A4GNT: variants seen among roughly 807,000 people sequenced by gnomAD.
A4GNT encodes alpha-1,4-N-acetylglucosaminyltransferase.
In A4GNT, 6 loss-of-function variants were observed where a neutral mutation model predicts 8.3. The observed-to-expected ratio is 0.72, with a 90% confidence interval of 0.39 to 1.42. The LOEUF (loss-of-function observed/expected upper bound fraction) is 1.42. A4GNT is among the 40% of genes most tolerant of loss of function. The pLI, the probability that A4GNT is intolerant of heterozygous loss-of-function variation, is 0.02. For missense variants in A4GNT, 377 were observed against 417.0 expected, an observed-to-expected ratio of 0.90 and a Z score of 0.84; for synonymous variants, 157 against 159.8, an observed-to-expected ratio of 0.98 and a Z score of 0.13.
In A4GNT at chr3:138,124,350, G is replaced by C. The variant is rs760801510; in HGVS notation, c.937C>G (p.Arg313Gly). 2.5e-5 allele frequency: 40 copies of C among 1,614,124 alleles called. No individual in the cohort carries two copies. Among genetic ancestry groups the C allele is most frequent in the Non-Finnish European group, 3.2e-5 (38 of 1,180,058 alleles). Residue 313 changes from arginine (R) to glycine (G), a missense_variant, in exon 3 of 3, where the codon CGC becomes GGC. Coordinates refer to ENST00000236709, the MANE Select transcript of A4GNT (RefSeq NM_016161.3). ...GSNTLVENLY[R>G]KHCPRTYRDL... ...CTGTAAGTCCTGGGACAGTGCTTGC[G>C]ATAGAGATTTTCCACCAGTGTGTTG... is the stretch of plus-strand genomic sequence containing the variant.
chr3:138,128,508 C>G (rs2042759067), intron 2 of A4GNT, among the ~76,000 whole-genome samples: 1 of 152,002 alleles, frequency 6.6e-6, no homozygotes, highest in Non-Finnish European at 1.5e-5. Context: ...TTTAAACAAC[C>G]AGATCTCACG....
At chr3:138,133,211 G>A (rs1440254805), upstream of A4GNT, among the ~76,000 whole-genome samples, 2 of 152,190 alleles carry the variant, frequency 1.3e-5, no homozygotes, top group Non-Finnish European at 2.9e-5. Flanking sequence ...GGGAGTTAAA[G>A]CTGCCCCACT....
chr3:138,130,798 T>G (rs375965953), intron 2 of A4GNT, 51 bp downstream of exon 2: 1 of 1,572,800 alleles, frequency 6.4e-7, no homozygotes, highest in Non-Finnish European at 8.6e-7. Flanking sequence ...TTACCCTCAG[T>G]TTACCCATAT....
At chr3:138,131,960 G>A (rs2042781115) in intron 1 of A4GNT, among the ~76,000 whole-genome samples, 1 of 152,120 alleles carries the variant, frequency 6.6e-6, no homozygotes, top group African/African-American at 2.4e-5. Context: ...GTTACAATCT[G>A]ATAATTGTAA....
intron 2 of A4GNT, among the ~76,000 whole-genome samples, chr3:138,129,853 C>T (rs1387568730): frequency 6.6e-6 from 1 of 152,190 alleles, no homozygotes; most frequent in Non-Finnish European, 1.5e-5. Context: ...GGCCTTTGAA[C>T]TCCTGGGCTC....
rs907678381 is a variant in A4GNT, at chr3:138,132,285, T to C, written c.-100A>G. On this transcript the variant is annotated 5_prime_UTR_variant, in exon 1 of 3. Coordinates refer to ENST00000236709, the MANE Select transcript of A4GNT (RefSeq NM_016161.3). ...CAGATCTCACGTCTTGGCAGGTCTA[T>C]CTTTCAAATTACATATAACCCTTTT... The C allele has an allele frequency of 1.3e-5, 2 of 152,222 alleles. No homozygotes were observed. Among genetic ancestry groups the C allele is most frequent in the Admixed American group, 1.3e-4 (2 of 15,288 alleles). 9.4% of individuals were successfully genotyped at this position (152,222 alleles called of 1,614,324 possible). A position where few individuals can be genotyped will look rare whatever the true frequency, so the allele number is the denominator to read the frequency against.
chr3:138,130,779 C>T (rs2042771142), intron 2 of A4GNT, 70 bp downstream of exon 2: 1 of 1,532,628 alleles, frequency 6.5e-7, no homozygotes, highest in Non-Finnish European at 8.8e-7. Context: ...CCATCTCCGA[C>T]CTGAGTCCTT....
chr3:138,128,164 T>C (rs2042756748), intron 2 of A4GNT, among the ~76,000 whole-genome samples: 1 of 152,244 alleles, frequency 6.6e-6, no homozygotes, highest in Non-Finnish European at 1.5e-5. Context: ...GTGATTCATC[T>C]GTAAGAAAAG....
chr3:138,127,118 C>CAAAAAAAAAAA (rs898641661), intron 2 of A4GNT, among the ~76,000 whole-genome samples: 1 of 34,080 alleles, frequency 2.9e-5, no homozygotes, highest in Non-Finnish European at 6.8e-5. Context: ...GACTCCATCT[C>CAAAAAAAAAAA]AAAAAAAAAA....
chr3:138,132,450 A>G, upstream of A4GNT: 1 of 152,216 alleles, frequency 6.6e-6, no homozygotes, highest in East Asian at 1.9e-4. Context: ...TCAACAACAC[A>G]GGGGTAAGTA....
chr3:138,124,735 C>A lies in A4GNT; in HGVS notation c.552G>T (p.Ala184=), dbSNP rs148195589. 8 of 1,614,168 alleles carry A rather than the reference C, an allele frequency of 5.0e-6. No homozygotes were observed. Among genetic ancestry groups the A allele is most frequent in the Non-Finnish European group, 5.9e-6 (7 of 1,180,014 alleles). ...RPIPEENFLA[A]QASRYSSNGI... is the part of the protein sequence containing the mutation. ...CATTACTAGAGTACCGAGAAGCCTGCGCAGCCAAAAAGTTCTCCTCAGGGA... is the reference window on the plus strand; with the variant it reads ...CATTACTAGAGTACCGAGAAGCCTGAGCAGCCAAAAAGTTCTCCTCAGGGA... The change falls in exon 3 of 3, where the codon GCG becomes GCT. Residue 184 remains alanine (A), a synonymous_variant. Transcript: ENST00000236709.
rs762563975 is a variant in A4GNT, at chr3:138,124,872, C to A, written c.415G>T (p.Ala139Ser). 2 of 1,609,242 alleles carry A rather than the reference C, an allele frequency of 1.2e-6. No individual in the cohort carries two copies. Among genetic ancestry groups the A allele is most frequent in the East Asian group, 4.5e-5 (2 of 44,802 alleles). The change falls in exon 3 of 3, where the codon GCC becomes TCC. Residue 139 changes from alanine (A) to serine (S), a missense_variant. Transcript: ENST00000236709. ...TGGAGCCAGTTTCTCTCTGCGCTGGCGTTGATCTGCAGGAGCAGGTGCAAA... is the reference window on the plus strand; with the variant it reads ...TGGAGCCAGTTTCTCTCTGCGCTGGAGTTGATCTGCAGGAGCAGGTGCAAA... The part of the protein sequence containing the change: ...PLFSWYNQIN[A>S]SAERNWLHIS...
At chr3:138,126,901 G>A (rs1189061942) in intron 2 of A4GNT, among the ~76,000 whole-genome samples, 2 of 151,840 alleles carry the variant, frequency 1.3e-5, no homozygotes, top group East Asian at 3.9e-4. Flanking sequence ...GGAGGCCAAG[G>A]TGGGCAGATC....
At chr3:138,131,342 C>T (rs1251157363) in intron 1 of A4GNT, 60 bp from the exon 2 acceptor site, 1 of 1,303,670 alleles carries the variant, frequency 7.7e-7, no homozygotes, top group African/African-American at 1.5e-5. Context: ...AGATAGCACA[C>T]AAGAAAATGA....
At chr3:138,127,809 G>A (rs546227944) in intron 2 of A4GNT, among the ~76,000 whole-genome samples, 2 of 152,258 alleles carry the variant, frequency 1.3e-5, no homozygotes, top group South Asian at 4.1e-4. Flanking sequence ...CTATCCTGTG[G>A]TGGCCTAACT....
rs546627649 is a variant in A4GNT, at chr3:138,131,013, G to C, written c.244C>G (p.Pro82Ala). Residue 82 changes from proline (P) to alanine (A), a missense_variant, in exon 2 of 3, where the codon CCT becomes GCT. Transcript: ENST00000236709. The part of the protein sequence containing the change: ...ESAAKIYPEW[P>A]VVFFMKGLTD... ...AGACCCTTCATAAAGAACACCACAG[G>C]CCACTCAGGATAAATCTTGGCAGCA... 2 of 1,614,076 alleles carry C rather than the reference G, an allele frequency of 1.2e-6. No homozygotes were observed. Among genetic ancestry groups the C allele is most frequent in the Non-Finnish European group, 1.7e-6 (2 of 1,180,004 alleles).
At position 138,124,321 on chromosome 3, in the gene A4GNT, G is replaced by A; in HGVS notation, c.966C>T (p.Asp322=). The change falls in exon 3 of 3, where the codon GAC becomes GAT. Residue 322 remains aspartate, a synonymous_variant. Transcript: ENST00000236709. The stretch of plus-strand genomic sequence containing the variant: ...CTGACCCCTCTGGGCCTTTAATCAG[G>A]TCCCTGTAAGTCCTGGGACAGTGCT... ...YRKHCPRTYR[D]LIKGPEGSVT... The A allele has an allele frequency of 6.2e-7, 1 of 1,614,154 alleles. No individual in the cohort carries two copies. Among genetic ancestry groups the A allele is most frequent in the Non-Finnish European group, 8.5e-7 (1 of 1,180,034 alleles).
chr3:138,125,387 A>C (rs2042739453), intron 2 of A4GNT, among the ~76,000 whole-genome samples: 1 of 152,216 alleles, frequency 6.6e-6, no homozygotes, highest in Non-Finnish European at 1.5e-5. Context: ...TTTATTATTA[A>C]AGGAATTAAT....
Position 138,124,779 on chromosome 3 carries a change from C to T in A4GNT, c.508G>A (p.Val170Ile). 1 of 1,614,162 alleles carries T rather than the reference C, an allele frequency of 6.2e-7. No homozygotes were observed. The highest frequency in any genetic ancestry group is 8.5e-7 in the Non-Finnish European group (1 of 1,180,042). The change falls in exon 3 of 3, where the codon GTC (valine) becomes ATC (isoleucine). Residue 170 changes from valine to isoleucine, a missense_variant. Transcript: ENST00000236709. ...TCAGGGATGGGCCTGATGGAGATGA[C>T]ATCGGTGTCCATGTAGATGCCACCG... ...KYGGIYMDTD[V>I]ISIRPIPEEN...
Sources: allele counts gnomAD v4.1 joint callset (sites outside exome capture counted in the v4.1 genomes callset), GRCh38; gene constraint gnomAD v4.1.1; transcripts MANE v1.5; gene names NCBI Gene and HGNC (gene_info 2026-07-23, HGNC 2026-07-21).